The following BCAS3 variants were observed in gnomAD, a reference collection of about 807,000 sequenced individuals.
The protein encoded by BCAS3 is BCAS4/BCAS3 fusion.
A neutral mutation model predicts 116.1 loss-of-function variants in BCAS3; 53 were observed. The observed-to-expected ratio is 0.46, with a 90% CI of 0.37 to 0.57. The LOEUF (loss-of-function observed/expected upper bound fraction) is 0.57, where lower values mean the gene tolerates loss of function less well. Among genes scored for constraint, BCAS3 ranks in the 20% least tolerant of loss-of-function variants. The pLI is 0.00. For synonymous variants in BCAS3, 391 were observed against 408.2 expected, an observed-to-expected ratio of 0.96 and a Z score of 0.51; for missense variants, 917 against 1,165.4, an observed-to-expected ratio of 0.79 and a Z score of 3.10.
intron 7 of BCAS3, among the ~76,000 whole-genome samples, chr17:60,867,446 G>C (rs2054711150): frequency 6.6e-6 from 1 of 151,968 alleles, no homozygotes; most frequent in South Asian, 2.1e-4. Context: ...TTCTTGTGTA[G>C]ATATATTATG....
In BCAS3 at chr17:61,279,950, A is replaced by G. The variant is rs865894637; in HGVS notation, c.2426-88377A>G. ...TCTCAATCCTGCTCCTGCTGAGTCT[A>G]CATTAACTCTTTGTTTAGCTTGGCT... is the stretch of plus-strand genomic sequence containing the variant. On this transcript the variant is annotated intron_variant, in intron 22 of 23. Transcript: ENST00000407086. The surrounding 1 kb of genome is among the most constrained non-coding windows in gnomAD (Gnocchi z 4.4). Among the ~76,000 whole-genome samples the G allele has an allele frequency of 3.2e-4, 49 of 151,736 alleles. No individual in the cohort carries two copies. The highest frequency in any genetic ancestry group is 3.4e-3 in the Middle Eastern group (1 of 292).
At position 61,359,401 on chromosome 17, in the gene BCAS3, T is replaced by C. The variant is rs1603031522; in HGVS notation, c.2426-8926T>C. Among the ~76,000 whole-genome samples the C allele has an allele frequency of 2.6e-5, 4 of 151,366 alleles. No homozygotes were observed. In the South Asian group the frequency reaches 6.3e-4, roughly 24 times the overall value. Reference sequence around the variant, plus strand: ...TACAAAATAGAATGAGAGCTCCCACTGGGCAGTGGTAGAACAGCGGGTTTT... The same window carrying C: ...TACAAAATAGAATGAGAGCTCCCACCGGGCAGTGGTAGAACAGCGGGTTTT... On this transcript the variant is annotated intron_variant, in intron 22 of 23. Transcript: ENST00000407086.
intron 4 of BCAS3, among the ~76,000 whole-genome samples, chr17:60,698,118 G>C (rs1359532122): frequency 6.7e-6 from 1 of 148,262 alleles, no homozygotes; most frequent in Non-Finnish European, 1.5e-5. Context: ...GGCAGAGCTT[G>C]CAGTGAGCTG....
intron 19 of BCAS3, among the ~76,000 whole-genome samples, chr17:61,071,438 A>G (rs1413788202): frequency 6.6e-6 from 1 of 152,200 alleles, no homozygotes; most frequent in Non-Finnish European, 1.5e-5. Flanking sequence ...TGCAGCTCTC[A>G]AATTTTAATG....
intron 19 of BCAS3, among the ~76,000 whole-genome samples, chr17:61,067,299 ATATATATATATATATATT>A (rs2070765539): frequency 1.5e-5 from 2 of 130,342 alleles, no homozygotes; most frequent in African/African-American, 5.8e-5. Context: ...ATATATATAT[ATATATATATATATATATT>A]TATACAGACT....
chr17:60,796,433 A>G (rs1160192768), intron 6 of BCAS3, among the ~76,000 whole-genome samples: 1 of 151,890 alleles, frequency 6.6e-6, no homozygotes, highest in African/African-American at 2.4e-5. Flanking sequence ...GAGGGTGTCT[A>G]ATTCTTCTTG....
rs2081444834 is a variant in BCAS3, at chr17:61,211,290, TGAC to T, written c.2425+126727_2425+126729del. Among the ~76,000 whole-genome samples the T allele has an allele frequency of 6.6e-6, 1 of 152,224 alleles. No homozygotes were observed. The highest frequency in any genetic ancestry group is 6.5e-5 in the Admixed American group (1 of 15,282). Reference sequence around the variant, plus strand: ...CCACCAAGGGGTTGTGCTTCCTTACTGACTGTATTTGTGATCTGTAAGACTTTT... The same window carrying T: ...CCACCAAGGGGTTGTGCTTCCTTACTTGTATTTGTGATCTGTAAGACTTTT... On this transcript the variant is annotated intron_variant, in intron 22 of 23. Coordinates refer to ENST00000407086, the MANE Select transcript of BCAS3 (RefSeq NM_017679.5). The surrounding 1 kb of genome is among the most constrained non-coding windows in gnomAD (Gnocchi z 4.4).
chr17:61,191,780 A>AAAAAAAG (rs141614148), intron 22 of BCAS3, among the ~76,000 whole-genome samples: 1 of 145,638 alleles, frequency 6.9e-6, no homozygotes, highest in Non-Finnish European at 1.5e-5. Context: ...GTCTCAAAAA[A>AAAAAAAG]AAAAGAAAAG....
intron 12 of BCAS3, among the ~76,000 whole-genome samples, chr17:60,914,426 T>G (rs562149434): frequency 1.0e-3 from 152 of 152,278 alleles, no homozygotes; most frequent in African/African-American, 3.7e-3. Flanking sequence ...TGCCATCAAA[T>G]TGAATACTCA....
chr17:61,059,381 C>A (rs922797228), intron 19 of BCAS3, among the ~76,000 whole-genome samples: 1 of 152,028 alleles, frequency 6.6e-6, no homozygotes, highest in African/African-American at 2.4e-5. Flanking sequence ...TGCACCTGGC[C>A]TCTCCCCGTC....
At chr17:61,250,654 G>C (rs1238324684) in intron 22 of BCAS3, among the ~76,000 whole-genome samples, 1 of 152,202 alleles carries the variant, frequency 6.6e-6, no homozygotes, top group Non-Finnish European at 1.5e-5. Flanking sequence ...ACAGCTAAAA[G>C]GCATTCTTTT....
rs557551697 is a variant in BCAS3 at position 61,193,565 on chromosome 17, C to T, written c.2425+109001C>T. Among the ~76,000 whole-genome samples, 15 of 151,460 alleles carry T rather than the reference C, an allele frequency of 9.9e-5. 1 individual carries two copies. The South Asian group carries it at 3.1e-3, about 32-fold the overall frequency. On this transcript the variant is annotated intron_variant, in intron 22 of 23. Coordinates refer to ENST00000407086, the MANE Select transcript of BCAS3 (RefSeq NM_017679.5). ...CTGAGGTCCGGAGTTTGAGACCAGT[C>T]TGACCAACATGAAGAAACTCCGTCT...
At chr17:61,218,039 A>G (rs2081904269) in intron 22 of BCAS3, among the ~76,000 whole-genome samples, 1 of 152,130 alleles carries the variant, frequency 6.6e-6, no homozygotes, top group Non-Finnish European at 1.5e-5. Context: ...TGCTATGTTT[A>G]CCATCTGGTT....
At position 60,962,378 on chromosome 17, in the gene BCAS3, A is replaced by T. The variant is rs1403992517; in HGVS notation, c.1221+15026A>T. 3.3e-5 allele frequency among the ~76,000 whole-genome samples: 5 copies of T among 152,034 alleles called. No individual in the cohort carries two copies. The highest frequency in any genetic ancestry group is 1.2e-4 in the African/African-American group (5 of 41,398). On this transcript the variant is annotated intron_variant, in intron 14 of 23. Coordinates refer to ENST00000407086, the MANE Select transcript of BCAS3 (RefSeq NM_017679.5). The surrounding 1 kb of genome is among the most constrained non-coding windows in gnomAD (Gnocchi z 4.4). The stretch of plus-strand genomic sequence containing the variant: ...TGTCCTTTTGATACAAGCCATTTTT[A>T]CTAGGGTGAGATGATATCTTGTTGT...
Position 61,356,005 on chromosome 17 carries a change from T to G in BCAS3, c.2426-12322T>G, listed in dbSNP as rs1006826924. Reference sequence around the variant, plus strand: ...CAGGAAACATTTTCTTTTTCTTTTCTCTTTTTTGAGACTGAGTCTTACTCT... The same window carrying G: ...CAGGAAACATTTTCTTTTTCTTTTCGCTTTTTTGAGACTGAGTCTTACTCT... On this transcript the variant is annotated intron_variant, in intron 22 of 23. Transcript: ENST00000407086. This position sits in a 1 kb window ranked among gnomAD's most constrained non-coding sequence, Gnocchi z 5.4. Among the ~76,000 whole-genome samples, 6 of 152,182 alleles carry G rather than the reference T, an allele frequency of 3.9e-5. No individual in the cohort carries two copies. The highest frequency in any genetic ancestry group is 8.8e-5 in the Non-Finnish European group (6 of 68,046).
chr17:60,887,187 G>C (rs538382941), intron 9 of BCAS3: 5 of 152,598 alleles, frequency 3.3e-5, no homozygotes, highest in African/African-American at 1.2e-4. Flanking sequence ...CGCAATATTC[G>C]GGTGGGAGTG....
intron 22 of BCAS3, among the ~76,000 whole-genome samples, chr17:61,306,302 A>G (rs2053851767): frequency 6.6e-6 from 1 of 152,230 alleles, no homozygotes; most frequent in Non-Finnish European, 1.5e-5. Context: ...TCGCTTACAA[A>G]TTAAAGTACT....
At chr17:61,173,449 C>CAAA (rs35764675) in intron 22 of BCAS3, among the ~76,000 whole-genome samples, 1 of 138,258 alleles carries the variant, frequency 7.2e-6, no homozygotes, top group Non-Finnish European at 1.5e-5. Context: ...ACTCTGTCTC[C>CAAA]AAAAAAAAAA....
intron 14 of BCAS3, among the ~76,000 whole-genome samples, chr17:60,981,449 A>G (rs962805774): frequency 5.9e-5 from 9 of 151,718 alleles, no homozygotes; most frequent in African/African-American, 2.2e-4. Flanking sequence ...CACCCAGCTA[A>G]TTTTTGTATT....
Sources: allele counts gnomAD v4.1 joint callset (sites outside exome capture counted in the v4.1 genomes callset), GRCh38; gene constraint gnomAD v4.1.1; non-coding constraint Gnocchi (gnomAD v3.1); transcripts MANE v1.5; gene names NCBI Gene and HGNC (gene_info 2026-07-23, HGNC 2026-07-21).